DCAF6: variants seen among roughly 807,000 people sequenced by gnomAD.
DCAF6 encodes DDB1 and CUL4 associated factor 6.
Under a neutral mutation model 125.1 loss-of-function variants are expected in DCAF6, and 54 were observed. That is an observed-to-expected ratio of 0.43 (90% CI 0.35 to 0.54). DCAF6 has a LOEUF of 0.54. DCAF6 is among the 20% of genes least tolerant of loss of function. DCAF6 has a pLI of 0.01. For missense variants in DCAF6, 934 were observed against 1,161.7 expected, an observed-to-expected ratio of 0.80 and a Z score of 2.85; for synonymous variants, 371 against 390.4, an observed-to-expected ratio of 0.95 and a Z score of 0.58.
chr1:167,951,435 C>T lies in DCAF6; in HGVS notation c.98-365C>T, dbSNP rs542066270. The stretch of plus-strand genomic sequence containing the variant: ...ACTAAAAATACAAAAGTTAGCTGGG[C>T]GTGGTGCTGTGTGCCTGTGATCCCA... On this transcript the variant is annotated intron_variant, in intron 1 of 21. Transcript: ENST00000367840. 8.5e-5 allele frequency among the ~76,000 whole-genome samples: 13 copies of T among 152,136 alleles called. No individual in the cohort carries two copies. The South Asian group carries it at 2.3e-3, about 27-fold the overall frequency.
rs1249189855 is a variant in DCAF6 at position 167,977,878 on chromosome 1, G to A, written c.438+2863G>A. Reference sequence around the variant, plus strand: ...AATCTATTCATGTAACTACCACCTAGCACATTAAGTATCCCAAAAGCTCCC... The same window carrying A: ...AATCTATTCATGTAACTACCACCTAACACATTAAGTATCCCAAAAGCTCCC... On this transcript the variant is annotated intron_variant, in intron 4 of 21. Coordinates refer to ENST00000367840, the MANE Select transcript of DCAF6 (RefSeq NM_001198956.2). 6.8e-4 allele frequency among the ~76,000 whole-genome samples: 103 copies of A among 152,108 alleles called. 3 individuals are homozygous for A. The highest frequency in any genetic ancestry group is 2.9e-5 in the Non-Finnish European group (2 of 68,030).
chr1:168,004,077 C>A, intron 9 of DCAF6, 88 bp downstream of exon 9: 1 of 1,417,088 alleles, frequency 7.1e-7, no homozygotes, highest in Non-Finnish European at 9.7e-7. Flanking sequence ...GTAAATTATA[C>A]CATGTTTTAC....
intron 9 of DCAF6, 72 bp from the exon 10 acceptor site, chr1:168,004,461 G>A: frequency 7.0e-7 from 1 of 1,423,706 alleles, no homozygotes; most frequent in Admixed American, 1.8e-5. Flanking sequence ...TGTTTTCTGA[G>A]CATATCTGTT....
chr1:168,041,412 T>C (rs1209232661), intron 13 of DCAF6, among the ~76,000 whole-genome samples: 4 of 152,114 alleles, frequency 2.6e-5, no homozygotes, highest in Non-Finnish European at 5.9e-5. Context: ...TTTTGCCTTA[T>C]GGTTTCTGCC....
At chr1:168,068,216 A>T in intron 20 of DCAF6, 142 bp from the exon 21 acceptor site, 1 of 470,030 alleles carries the variant, frequency 2.1e-6, no homozygotes, top group Non-Finnish European at 3.9e-6. Context: ...AATAGACTTA[A>T]GGCAGAAATA....
chr1:167,971,965 C>T (rs957476961), intron 3 of DCAF6, among the ~76,000 whole-genome samples: 2 of 152,130 alleles, frequency 1.3e-5, no homozygotes, highest in Non-Finnish European at 2.9e-5. Flanking sequence ...AAGTGATTCT[C>T]GTGCCTTAGC....
intron 17 of DCAF6, among the ~76,000 whole-genome samples, chr1:168,052,181 G>T (rs1364213948): frequency 6.6e-6 from 1 of 152,122 alleles, no homozygotes; most frequent in East Asian, 1.9e-4. Flanking sequence ...ACCGCATCTG[G>T]CCTAGTTATC....
At chr1:167,915,652 T>G in the DCAF6 span, among the ~76,000 whole-genome samples, 9 of 152,252 alleles carry the variant, frequency 5.9e-5, no homozygotes, top group African/African-American at 2.2e-4. Context: ...GGTTTCACCA[T>G]GTTAGTCAGT....
the DCAF6 span, among the ~76,000 whole-genome samples, chr1:167,876,989 A>G: frequency 6.6e-6 from 1 of 152,028 alleles, no homozygotes; most frequent in African/African-American, 2.4e-5. Context: ...AGTCTGTTGA[A>G]CCCCAGGCAC....
chr1:168,057,754 GGACCCCTA>G (rs1449439640), intron 17 of DCAF6, among the ~76,000 whole-genome samples: 1 of 152,058 alleles, frequency 6.6e-6, no homozygotes, highest in Non-Finnish European at 1.5e-5. Flanking sequence ...AGAGTATTAA[GGACCCCTA>G]ATCTAACCTG....
intron 5 of DCAF6, among the ~76,000 whole-genome samples, chr1:167,987,913 C>T (rs1680242919): frequency 6.6e-6 from 1 of 151,630 alleles, no homozygotes; most frequent in East Asian, 1.9e-4. Context: ...ATATAAAAAC[C>T]TGAAGAATTT....
chr1:167,879,147 C>T, the DCAF6 span, among the ~76,000 whole-genome samples: 2 of 152,190 alleles, frequency 1.3e-5, no homozygotes, highest in Admixed American at 6.5e-5. Flanking sequence ...GCAGACTGTG[C>T]AGGGTTGAAC....
intron 12 of DCAF6, among the ~76,000 whole-genome samples, chr1:168,033,304 C>CTTTT (rs200401545): frequency 2.3e-4 from 27 of 119,746 alleles, no homozygotes; most frequent in East Asian, 1.2e-3. Context: ...TGAAAAGGAT[C>CTTTT]TTTTTTTTTT....
At chr1:167,988,937 G>T (rs1226269877) in intron 5 of DCAF6, among the ~76,000 whole-genome samples, 1 of 151,910 alleles carries the variant, frequency 6.6e-6, no homozygotes, top group South Asian at 2.1e-4. Flanking sequence ...AAAATTAGCC[G>T]GGCGTGGTGG....
intron 18 of DCAF6, among the ~76,000 whole-genome samples, chr1:168,064,196 A>T (rs1037118241): frequency 2.0e-5 from 3 of 151,292 alleles, no homozygotes; most frequent in Non-Finnish European, 2.9e-5. Flanking sequence ...CTTTATACCC[A>T]TTTTTAAGAT....
At chr1:167,920,003 G>A in the DCAF6 span, 2 of 1,612,708 alleles carry the variant, frequency 1.2e-6, no homozygotes, top group Non-Finnish European at 1.7e-6. Context: ...AAGCTGAGAG[G>A]CTCCTGCTGC....
chr1:167,930,773 C>T, the DCAF6 span, among the ~76,000 whole-genome samples: 3 of 152,196 alleles, frequency 2.0e-5, no homozygotes, highest in Non-Finnish European at 4.4e-5. Context: ...ATATTTCATT[C>T]TCTGTTATAA....
In DCAF6 at chr1:168,065,580, T is replaced by A. The variant is rs755402589; in HGVS notation, c.2440-10T>A. ...ATTTGAATTTTTAAATAATTTTTTT[T>A]AACCCTTAGATAAAAGAAGCCAATT... On this transcript the variant is annotated splice_polypyrimidine_tract_variant and intron_variant, in intron 18 of 21. Coordinates refer to ENST00000367840, the MANE Select transcript of DCAF6 (RefSeq NM_001198956.2). The A allele has an allele frequency of 2.1e-5, 32 of 1,531,628 alleles. No individual in the cohort carries two copies. In the African/African-American group the frequency reaches 4.2e-4, roughly 20 times the overall value. The allele number at this position is 1,531,628 out of a possible 1,614,324, so 94.9% of individuals were successfully genotyped here.
chr1:168,008,977 TTC>T (rs1228922745), intron 10 of DCAF6, among the ~76,000 whole-genome samples: 1 of 148,270 alleles, frequency 6.7e-6, no homozygotes, highest in Non-Finnish European at 1.5e-5. Context: ...CTTCCTTCTT[TTC>T]TTTTCTCCTT....
Sources: gnomAD v4.1 joint callset for allele counts (sites outside exome capture counted in the v4.1 genomes callset) on GRCh38, gnomAD v4.1.1 for gene constraint, MANE v1.5 for transcripts, NCBI Gene and HGNC (gene_info 2026-07-23, HGNC 2026-07-21) for gene names.